INPP5B: variants seen among roughly 807,000 people sequenced by gnomAD.
INPP5B encodes type II inositol 1,4,5-trisphosphate 5-phosphatase.
In INPP5B, 90 loss-of-function variants were observed where a neutral mutation model predicts 118.5. The observed-to-expected ratio is 0.76, with a 90% CI of 0.64 to 0.90. The LOEUF (loss-of-function observed/expected upper bound fraction) is 0.90. INPP5B is among the 40% of genes least tolerant of loss of function. INPP5B has a pLI of 0.00. For synonymous variants in INPP5B, 385 were observed against 418.9 expected, an observed-to-expected ratio of 0.92 and a Z score of 0.99; for missense variants, 984 against 1,125.6, an observed-to-expected ratio of 0.87 and a Z score of 1.80.
rs186953486 is a variant in INPP5B, at chr1:37,910,225, C to T, written c.533-18771G>A. Among the ~76,000 whole-genome samples the T allele has an allele frequency of 2.1e-4, 32 of 152,268 alleles. 1 individual carries two copies. Among genetic ancestry groups the T allele is most frequent in the African/African-American group, 6.7e-4 (28 of 41,540 alleles). Reference sequence around the variant, plus strand: ...AAGTCCATCCTCTTCTTTATCAATACGGAAGCTACACACTCCACATTACCT... The same window carrying T: ...AAGTCCATCCTCTTCTTTATCAATATGGAAGCTACACACTCCACATTACCT... On this transcript the variant is annotated intron_variant, in intron 7 of 23. Transcript: ENST00000373024.
rs1188310419 is a variant in INPP5B, at chr1:37,875,721, A to G, written c.1678-5T>C. 1 of 1,608,598 alleles carries G rather than the reference A, an allele frequency of 6.2e-7. No individual in the cohort carries two copies. Among genetic ancestry groups the G allele is most frequent in the Non-Finnish European group, 8.5e-7 (1 of 1,174,952 alleles). ...CTCGTCATTTACGACCCTCACCTGA[A>G]AGGGAAACATCAGAGACTGAGTACC... On this transcript the variant is annotated splice_region_variant and splice_polypyrimidine_tract_variant and intron_variant, in intron 16 of 23. Transcript: ENST00000373024.
intron 16 of INPP5B, among the ~76,000 whole-genome samples, 187 bp downstream of exon 16, chr1:37,878,001 G>A (rs1642946089): frequency 6.6e-6 from 1 of 152,300 alleles, no homozygotes; most frequent in South Asian, 2.1e-4. Flanking sequence ...TTCCATGTAT[G>A]AGGAAAAATG....
At chr1:37,946,406 G>T (rs112876142) in intron 1 of INPP5B, 72 bp from the exon 2 acceptor site, 3 of 1,128,148 alleles carry the variant, frequency 2.7e-6, no homozygotes, top group African/African-American at 1.5e-5. Flanking sequence ...TGCCTCAGAG[G>T]GGTTGGGGGC....
At chr1:37,889,186 G>A (rs774151830) in intron 9 of INPP5B, among the ~76,000 whole-genome samples, 1 of 152,198 alleles carries the variant, frequency 6.6e-6, no homozygotes, top group Non-Finnish European at 1.5e-5. Flanking sequence ...ACAGTGAGCT[G>A]TGACTGCACC....
chr1:37,901,352 A>C (rs1400465181), intron 7 of INPP5B, among the ~76,000 whole-genome samples: 2 of 152,086 alleles, frequency 1.3e-5, no homozygotes, highest in East Asian at 3.9e-4. Context: ...TTCATCTATA[A>C]AGTGGGGATT....
intron 2 of INPP5B, 122 bp downstream of exon 2, chr1:37,946,130 C>T (rs754019186): frequency 1.1e-6 from 1 of 943,956 alleles, no homozygotes; most frequent in Non-Finnish European, 1.6e-6. Flanking sequence ...TTAGTAAATA[C>T]TGATTTCCTT....
chr1:37,910,198 G>A (rs1644645003), intron 7 of INPP5B, among the ~76,000 whole-genome samples: 1 of 152,106 alleles, frequency 6.6e-6, no homozygotes, highest in Non-Finnish European at 1.5e-5. Context: ...ACAGTGGAGG[G>A]TAAGTCCATC....
chr1:37,897,102 G>C (rs1162404414), intron 7 of INPP5B, among the ~76,000 whole-genome samples: 1 of 149,526 alleles, frequency 6.7e-6, no homozygotes. Context: ...CCGTCCAGGA[G>C]GGAGGTCGGG....
At chr1:37,879,250 G>A (rs1382367454) in intron 15 of INPP5B, among the ~76,000 whole-genome samples, 5 of 150,130 alleles carry the variant, frequency 3.3e-5, no homozygotes, top group Admixed American at 1.3e-4. Flanking sequence ...ACAGCCTGGC[G>A]ACAGAGTGAG....
rs796981728 is a variant in INPP5B at position 37,941,218 on chromosome 1, G to A, written c.281-420C>T. Among the ~76,000 whole-genome samples, 11 of 152,238 alleles carry A rather than the reference G, an allele frequency of 7.2e-5. No individual in the cohort carries two copies. In the South Asian group the frequency reaches 2.3e-3, roughly 32 times the overall value. The stretch of plus-strand genomic sequence containing the variant: ...GAATACCATGGTGAAGAGAATACAC[G>A]TGGGCCCGTCTCAGGGAGCTAGACT... On this transcript the variant is annotated intron_variant, in intron 5 of 23. Coordinates refer to ENST00000373024, the MANE Select transcript of INPP5B (RefSeq NM_005540.3).
intron 7 of INPP5B, among the ~76,000 whole-genome samples, chr1:37,892,462 T>C (rs1026195216): frequency 6.6e-6 from 1 of 152,182 alleles, no homozygotes; most frequent in Admixed American, 6.5e-5. Context: ...TTCTCTGCTC[T>C]TTAAAAGCCA....
At chr1:37,884,956 A>T (rs1406180039) in intron 13 of INPP5B, 1 of 152,148 alleles carries the variant, frequency 6.6e-6, no homozygotes, top group Non-Finnish European at 1.5e-5. Context: ...TCTCAAAAAT[A>T]AATATATAAA....
chr1:37,881,971 T>C (rs1643228699), intron 14 of INPP5B, among the ~76,000 whole-genome samples: 1 of 151,718 alleles, frequency 6.6e-6, no homozygotes, highest in South Asian at 2.1e-4. Context: ...TACTGGCACG[T>C]GCCTGTAGTC....
chr1:37,935,341 G>A (rs1200121258), intron 6 of INPP5B, among the ~76,000 whole-genome samples: 1 of 150,782 alleles, frequency 6.6e-6, no homozygotes, highest in Non-Finnish European at 1.5e-5. Context: ...ACAGGCACGT[G>A]CCACCACGCC....
chr1:37,896,394 C>A (rs1224827999), intron 7 of INPP5B, among the ~76,000 whole-genome samples: 4 of 151,662 alleles, frequency 2.6e-5, no homozygotes, highest in East Asian at 2.0e-4. Context: ...CGTCTCCGCC[C>A]GGCAGCCACC....
At chr1:37,880,423 T>TTTTA (rs71278742) in intron 14 of INPP5B, among the ~76,000 whole-genome samples, 20,397 of 149,752 alleles carry the variant, frequency 0.14, 1,484 homozygotes, top group East Asian at 0.19. Flanking sequence ...GTTTTTAATG[T>TTTTA]TTTATTTATT....
chr1:37,895,775 G>A (rs1644015631), intron 7 of INPP5B, among the ~76,000 whole-genome samples: 2 of 152,352 alleles, frequency 1.3e-5, no homozygotes, highest in South Asian at 4.1e-4. Flanking sequence ...TCGGCCTCCT[G>A]AGGTGCCGGG....
rs1646095339 is a variant in INPP5B at position 37,945,919 on chromosome 1, C to T, written c.58-69G>A. 30 of 1,363,300 alleles carry T rather than the reference C, an allele frequency of 2.2e-5. No individual in the cohort carries two copies. The South Asian group carries it at 3.2e-4, about 14-fold the overall frequency. 84.5% of individuals were successfully genotyped at this position (1,363,300 alleles called of 1,614,324 possible). A position where few individuals can be genotyped will look rare whatever the true frequency, so the allele number is the denominator to read the frequency against. On this transcript the variant is annotated intron_variant, in intron 2 of 23. Coordinates refer to ENST00000373024, the MANE Select transcript of INPP5B (RefSeq NM_005540.3). Reference sequence around the variant, plus strand: ...CTCCCCACCCAGGCTGTCCCACCTTCCCTCTGTTCCCCTGCCCCCCCAGAT... The same window carrying T: ...CTCCCCACCCAGGCTGTCCCACCTTTCCTCTGTTCCCCTGCCCCCCCAGAT...
intron 5 of INPP5B, 25 bp downstream of exon 5, chr1:37,943,615 G>A (rs761584953): frequency 2.2e-5 from 36 of 1,613,412 alleles, no homozygotes; most frequent in Non-Finnish European, 2.9e-5. Context: ...CCCCGAGTGG[G>A]ACCCAGACCA....
Sources: allele counts gnomAD v4.1 joint callset (sites outside exome capture counted in the v4.1 genomes callset), GRCh38; gene constraint gnomAD v4.1.1; transcripts MANE v1.5; gene names NCBI Gene and HGNC (gene_info 2026-07-23, HGNC 2026-07-21).